The following DGKB variants were observed in gnomAD, a reference collection of about 807,000 sequenced individuals.
DGKB encodes the protein 90 kDa diacylglycerol kinase.
A neutral mutation model predicts 114.3 loss-of-function variants in DGKB; 67 were observed. The observed-to-expected ratio is 0.59, with a 90% CI of 0.48 to 0.72. The LOEUF (loss-of-function observed/expected upper bound fraction) is 0.72, where lower values mean the gene tolerates loss of function less well. Ranked by LOEUF, DGKB falls within the 30% of genes least tolerant of loss-of-function variation. DGKB has a pLI of 0.00. For missense variants in DGKB, 907 were observed against 975.2 expected, an observed-to-expected ratio of 0.93 and a Z score of 0.93; for synonymous variants, 398 against 323.1, an observed-to-expected ratio of 1.23 and a Z score of -2.49.
chr7:14,438,688 A>T (rs1383151014), intron 21 of DGKB, among the ~76,000 whole-genome samples: 1 of 152,146 alleles, frequency 6.6e-6, no homozygotes, highest in Non-Finnish European at 1.5e-5. Context: ...TTTTATCTCA[A>T]ATTAGACCCA....
At chr7:14,568,128 A>C (rs1228444578) in intron 20 of DGKB, among the ~76,000 whole-genome samples, 2 of 152,088 alleles carry the variant, frequency 1.3e-5, no homozygotes, top group African/African-American at 4.8e-5. Context: ...CTTTCACCTC[A>C]CTGCCATGTA....
chr7:14,636,338 C>A (rs751319395), intron 13 of DGKB, among the ~76,000 whole-genome samples: 4 of 151,624 alleles, frequency 2.6e-5, no homozygotes, highest in Non-Finnish European at 4.4e-5. Context: ...CCTCTAAATG[C>A]GCCCTCATTA....
At chr7:14,314,660 T>C (rs995880789) in intron 23 of DGKB, among the ~76,000 whole-genome samples, 2 of 152,058 alleles carry the variant, frequency 1.3e-5, no homozygotes, top group African/African-American at 4.8e-5. Context: ...GTCTGACTGG[T>C]GTACCTGAAA....
At chr7:14,736,333 T>G in intron 4 of DGKB, 139 bp from the exon 5 acceptor site, 1 of 581,138 alleles carries the variant, frequency 1.7e-6, no homozygotes, top group Non-Finnish European at 3.0e-6. Context: ...AGTGCCTATT[T>G]GAGAAATAGG....
chr7:14,714,297 G>A (rs1374588532), intron 6 of DGKB, among the ~76,000 whole-genome samples: 5 of 152,130 alleles, frequency 3.3e-5, no homozygotes, highest in Non-Finnish European at 7.4e-5. Context: ...GAAAAGTTCA[G>A]GGTTTGTCTG....
At chr7:14,826,638 T>C (rs973009105) in intron 2 of DGKB, among the ~76,000 whole-genome samples, 1 of 152,144 alleles carries the variant, frequency 6.6e-6, no homozygotes, top group Non-Finnish European at 1.5e-5. Flanking sequence ...ATTTGAACCA[T>C]GACCCTGTAG....
chr7:14,191,176 C>A, intron 23 of DGKB: 1 of 169,662 alleles, frequency 5.9e-6, no homozygotes, highest in South Asian at 1.6e-4. Context: ...GAACTGGTGT[C>A]TCCAGGAATG....
At chr7:14,657,263 T>C (rs1291509557) in intron 13 of DGKB, among the ~76,000 whole-genome samples, 1 of 150,018 alleles carries the variant, frequency 6.7e-6, no homozygotes, top group Non-Finnish European at 1.5e-5. Context: ...AGTGAGAATG[T>C]AATCCTACAC....
At chr7:14,708,259 G>T (rs1315199910) in intron 6 of DGKB, among the ~76,000 whole-genome samples, 1 of 108,368 alleles carries the variant, frequency 9.2e-6, no homozygotes, top group Non-Finnish European at 1.8e-5. Context: ...CCTTACAAGG[G>T]ATGTGAAGGA....
At chr7:14,733,399 T>C (rs916714132) in intron 5 of DGKB, among the ~76,000 whole-genome samples, 1 of 152,112 alleles carries the variant, frequency 6.6e-6, no homozygotes, top group African/African-American at 2.4e-5. Context: ...CATTAATAGA[T>C]GGGAAGGCCA....
intron 23 of DGKB, among the ~76,000 whole-genome samples, chr7:14,234,460 C>A (rs566580188): frequency 2.6e-4 from 40 of 152,116 alleles, no homozygotes; most frequent in African/African-American, 9.6e-4. Context: ...AAAACATGAA[C>A]CACGCAATGC....
At chr7:14,275,881 C>T (rs988060990) in intron 23 of DGKB, among the ~76,000 whole-genome samples, 1 of 152,106 alleles carries the variant, frequency 6.6e-6, no homozygotes, top group Non-Finnish European at 1.5e-5. Flanking sequence ...GTCATTTAGT[C>T]CTGACTTTGT....
At chr7:14,175,401 G>C (rs906349979) in intron 25 of DGKB, among the ~76,000 whole-genome samples, 5 of 152,210 alleles carry the variant, frequency 3.3e-5, no homozygotes, top group Middle Eastern at 3.4e-3. Context: ...TCTTAGGTAA[G>C]AGTTGACTTC....
At chr7:14,547,198 T>C (rs1460623955) in intron 20 of DGKB, among the ~76,000 whole-genome samples, 1 of 152,170 alleles carries the variant, frequency 6.6e-6, no homozygotes, top group Non-Finnish European at 1.5e-5. Flanking sequence ...GGCTCAATAT[T>C]GATTACGTAC....
chr7:14,944,383 C>T (rs1420469143), intron 1 of DGKB, among the ~76,000 whole-genome samples: 2 of 151,854 alleles, frequency 1.3e-5, no homozygotes, highest in Non-Finnish European at 2.9e-5. Flanking sequence ...AAGGCAGTAA[C>T]AGCTGATGAC....
intron 1 of DGKB, among the ~76,000 whole-genome samples, chr7:14,855,175 G>A (rs1217807715): frequency 6.6e-6 from 1 of 152,170 alleles, no homozygotes; most frequent in African/African-American, 2.4e-5. Context: ...AACAGCAGCA[G>A]CTGTTTGGAG....
intron 23 of DGKB, among the ~76,000 whole-genome samples, chr7:14,216,725 C>CAAAAA (rs755191130): frequency 3.0e-4 from 15 of 50,300 alleles, no homozygotes; most frequent in Non-Finnish European, 4.0e-4. Context: ...GACTCCGTCT[C>CAAAAA]AAAAAAAAAA....
intron 13 of DGKB, among the ~76,000 whole-genome samples, chr7:14,647,363 G>T (rs7811333): frequency 0.67 from 101,911 of 151,976 alleles, 34,684 homozygotes; most frequent in East Asian, 0.79. Flanking sequence ...CAACAACAAG[G>T]CCCAGGACAG....
At chr7:14,346,613 T>C (rs1812524586) in intron 21 of DGKB, among the ~76,000 whole-genome samples, 1 of 151,958 alleles carries the variant, frequency 6.6e-6, no homozygotes, top group Admixed American at 6.6e-5. Context: ...TGATTTCATA[T>C]ATGTGAGCAG....
Sources: allele counts gnomAD v4.1 joint callset (sites outside exome capture counted in the v4.1 genomes callset), GRCh38; gene constraint gnomAD v4.1.1; transcripts MANE v1.5; gene names NCBI Gene and HGNC (gene_info 2026-07-23, HGNC 2026-07-21).